Variants in ASAP1 observed in about 807,000 individuals in gnomAD.
ASAP1 encodes ArfGAP with SH3 domain, ankyrin repeat and PH domain 1.
Under a neutral mutation model 145.2 loss-of-function variants are expected in ASAP1, and 43 were observed. That is an observed-to-expected ratio of 0.30 (90% CI 0.23 to 0.38). The LOEUF is 0.38. ASAP1 is among the 10% of genes least tolerant of loss of function. The pLI is 1.00. For missense variants in ASAP1, 1,018 were observed against 1,355.3 expected, an observed-to-expected ratio of 0.75 and a Z score of 3.91; for synonymous variants, 546 against 515.5, an observed-to-expected ratio of 1.06 and a Z score of -0.80.
intron 5 of ASAP1, among the ~76,000 whole-genome samples, chr8:130,212,276 A>C (rs1816632038): frequency 6.6e-6 from 1 of 152,258 alleles, no homozygotes; most frequent in African/African-American, 2.4e-5. Context: ...TCAAAGGCAA[A>C]ATTTGTTTTC....
chr8:130,292,398 T>C (rs974104002), intron 3 of ASAP1, among the ~76,000 whole-genome samples: 1 of 152,154 alleles, frequency 6.6e-6, no homozygotes. Context: ...GAACCAATTA[T>C]CTGCCTGCCC....
rs1157964060 is a variant in ASAP1 at position 130,082,171 on chromosome 8, A to AT, written c.2573-2201_2573-2200insA. Among the ~76,000 whole-genome samples, 4 of 152,318 alleles carry AT rather than the reference A, an allele frequency of 2.6e-5. No individual in the cohort carries two copies. In the East Asian group the frequency reaches 7.7e-4, roughly 29 times the overall value. ...TTCTGTAATTCTATGATATTGATAC[A>AT]AGAAGAAATGAGATAAACTGGCATT... On this transcript the variant is annotated intron_variant, in intron 25 of 29. Coordinates refer to ENST00000518721, the MANE Select transcript of ASAP1 (RefSeq NM_018482.4).
chr8:130,291,158 G>A (rs1200934327), intron 3 of ASAP1, among the ~76,000 whole-genome samples: 1 of 152,028 alleles, frequency 6.6e-6, no homozygotes, highest in Non-Finnish European at 1.5e-5. Context: ...GAAGAAAACT[G>A]GTATGTAAAT....
chr8:130,140,394 G>A (rs1391630496), intron 13 of ASAP1, among the ~76,000 whole-genome samples: 8 of 151,250 alleles, frequency 5.3e-5, no homozygotes, highest in Non-Finnish European at 1.2e-4. Context: ...TAGGTTTGGG[G>A]GTACATGTGA....
chr8:130,260,923 C>A (rs1000459036), intron 3 of ASAP1, among the ~76,000 whole-genome samples: 5 of 152,168 alleles, frequency 3.3e-5, no homozygotes. Context: ...CTTTTCCCCC[C>A]CTCAAGATAA....
At chr8:130,417,246 A>G (rs1466581200) in intron 1 of ASAP1, among the ~76,000 whole-genome samples, 2 of 152,174 alleles carry the variant, frequency 1.3e-5, no homozygotes, top group Non-Finnish European at 2.9e-5. Flanking sequence ...AGACAGACAG[A>G]TATACAACCC....
At chr8:130,228,694 C>T (rs553709914) in intron 4 of ASAP1, among the ~76,000 whole-genome samples, 469 of 131,248 alleles carry the variant, frequency 3.6e-3, no homozygotes, top group African/African-American at 0.012. Context: ...GAGTGAGACC[C>T]TGTCTTAAAA....
rs980056788 is a variant in ASAP1 at position 130,260,441 on chromosome 8, A to G, written c.187-23447T>C. 3.9e-5 allele frequency among the ~76,000 whole-genome samples: 6 copies of G among 152,308 alleles called. No individual in the cohort carries two copies. In the East Asian group the frequency reaches 1.2e-3, roughly 29 times the overall value. Reference sequence around the variant, plus strand: ...CTTACTGACTAACAGAGCTGGTAAGACCTTAGAGGTAACATATTCTAATTG... The same window carrying G: ...CTTACTGACTAACAGAGCTGGTAAGGCCTTAGAGGTAACATATTCTAATTG... On this transcript the variant is annotated intron_variant, in intron 3 of 29. Coordinates refer to ENST00000518721, the MANE Select transcript of ASAP1 (RefSeq NM_018482.4).
At chr8:130,378,075 G>A (rs1284527085) in intron 2 of ASAP1, among the ~76,000 whole-genome samples, 1 of 152,214 alleles carries the variant, frequency 6.6e-6, no homozygotes, top group East Asian at 1.9e-4. Flanking sequence ...AAGAGCTCTG[G>A]AATCTGATTG....
At chr8:130,087,592 G>A (rs934943842) in intron 25 of ASAP1, among the ~76,000 whole-genome samples, 1 of 152,178 alleles carries the variant, frequency 6.6e-6, no homozygotes, top group Non-Finnish European at 1.5e-5. Flanking sequence ...GCTGCAGGGA[G>A]GGGTCATGGG....
At chr8:130,261,854 T>C (rs1003656250) in intron 3 of ASAP1, among the ~76,000 whole-genome samples, 1 of 152,022 alleles carries the variant, frequency 6.6e-6, no homozygotes, top group African/African-American at 2.4e-5. Flanking sequence ...TAGTTTTTGT[T>C]CTTAGTTCTA....
intron 14 of ASAP1, among the ~76,000 whole-genome samples, 178 bp downstream of exon 14, chr8:130,136,773 G>T (rs1013930684): frequency 2.0e-5 from 3 of 152,190 alleles, no homozygotes; most frequent in Non-Finnish European, 4.4e-5. Flanking sequence ...TCAACTGCAG[G>T]TGGGCTCAGT....
At position 130,358,004 on chromosome 8, in the gene ASAP1, C is replaced by T. The variant is rs1365303542; in HGVS notation, c.186+13G>A. 2.5e-6 allele frequency: 4 copies of T among 1,599,176 alleles called. No individual in the cohort carries two copies. In the Admixed American group the frequency reaches 6.8e-5, roughly 27 times the overall value. On this transcript the variant is annotated intron_variant, in intron 3 of 29. Transcript: ENST00000518721. This position sits in a 1 kb window ranked among gnomAD's most constrained non-coding sequence, Gnocchi z 4.1. ...CGGCGAGCGTGGACGGCGGGGGTCC[C>T]GGCCCGACCTACCTCCTCCAGCAGC...
chr8:130,340,044 G>A (rs532605336), intron 3 of ASAP1, among the ~76,000 whole-genome samples: 59 of 152,274 alleles, frequency 3.9e-4, no homozygotes, highest in Non-Finnish European at 4.6e-4. Flanking sequence ...CTACTGGGTC[G>A]CAGGCTTTGG....
intron 1 of ASAP1, among the ~76,000 whole-genome samples, chr8:130,439,230 T>C (rs903994117): frequency 2.6e-5 from 4 of 152,104 alleles, no homozygotes; most frequent in African/African-American, 4.8e-5. Context: ...CTCCTGATAC[T>C]GGAAAAGACA....
intron 5 of ASAP1, among the ~76,000 whole-genome samples, chr8:130,196,430 T>C (rs982204010): frequency 2.6e-5 from 4 of 152,002 alleles, no homozygotes; most frequent in African/African-American, 7.2e-5. Context: ...AGCCCCTCTA[T>C]GGGCCTGCAG....
chr8:130,210,671 A>G (rs1423942061), intron 5 of ASAP1, among the ~76,000 whole-genome samples: 1 of 152,174 alleles, frequency 6.6e-6, no homozygotes, highest in African/African-American at 2.4e-5. Flanking sequence ...TAATCCATCA[A>G]GGCAATGTAA....
chr8:130,345,984 A>C (rs951948256), intron 3 of ASAP1, among the ~76,000 whole-genome samples: 13 of 152,214 alleles, frequency 8.5e-5, no homozygotes, highest in African/African-American at 2.9e-4. Flanking sequence ...GGTTTTTCCA[A>C]CTGCTCTATG....
At chr8:130,179,221 G>T in intron 9 of ASAP1, 43 bp downstream of exon 9, 2 of 1,167,606 alleles carry the variant, frequency 1.7e-6, no homozygotes, top group Non-Finnish European at 2.6e-6. Context: ...AGTACAGGGG[G>T]CAGTAATTGG....
Sources: allele counts gnomAD v4.1 joint callset (sites outside exome capture counted in the v4.1 genomes callset), GRCh38; gene constraint gnomAD v4.1.1; non-coding constraint Gnocchi (gnomAD v3.1); transcripts MANE v1.5; gene names NCBI Gene and HGNC (gene_info 2026-07-23, HGNC 2026-07-21).